The following FGF13 variants were observed in gnomAD, a reference collection of about 807,000 sequenced individuals.
FGF13 encodes the protein fibroblast growth factor homologous factor 2.
FGF13 carries 2 observed loss-of-function variants against 19.5 expected under a neutral mutation model. The ratio of observed to expected loss-of-function variants is 0.10; its 90% CI spans 0.04 to 0.32. The LOEUF is 0.32. Ranked by LOEUF, FGF13 falls within the 10% of genes least tolerant of loss-of-function variation. The pLI, the probability that FGF13 is intolerant of heterozygous loss-of-function variation, is 1.00. For missense variants in FGF13, 113 were observed against 192.7 expected (o/e 0.59, Z 2.45); for synonymous variants, 72 against 76.9 (o/e 0.94, Z 0.33).
chrX:138,702,250 T>A (rs1019097104), intron 3 of FGF13, among the ~76,000 whole-genome samples: 2 of 112,075 alleles, frequency 1.8e-5, no homozygotes, highest in Non-Finnish European at 3.8e-5. Context: ...TAGTCTCTTA[T>A]AATCTGAAAC....
Position 138,627,882 on chromosome X carries a change from G to A in FGF13, c.*4968C>T, listed in dbSNP as rs1320858016. ...CAAAATGATGCCATGTATTATACTT[G>A]TCTGCATTCTTTATTACGGTAAATG... is the stretch of plus-strand genomic sequence containing the variant. On this transcript the variant is annotated 3_prime_UTR_variant, in exon 5 of 5. Transcript: ENST00000315930. 1.8e-5 allele frequency: 2 copies of A among 110,528 alleles called. No homozygotes were observed. The highest frequency in any genetic ancestry group is 6.6e-5 in the African/African-American group (2 of 30,365). The allele number at this position is 110,528 out of a possible 1,213,427, so 9.1% of individuals were successfully genotyped here.
chrX:138,989,668 C>A (rs2092007261), intron 1 of FGF13, among the ~76,000 whole-genome samples: 1 of 109,752 alleles, frequency 9.1e-6, no homozygotes, highest in South Asian at 3.9e-4. Flanking sequence ...GATAGTTGAG[C>A]CACACAATGA....
intron 1 of FGF13, among the ~76,000 whole-genome samples, chrX:138,985,868 T>G (rs1440044577): frequency 2.7e-5 from 3 of 112,218 alleles, no homozygotes; most frequent in Non-Finnish European, 3.8e-5. Flanking sequence ...GGTAATAAAA[T>G]TAAACGTGAC....
At chrX:139,028,582 C>CGTGTGTGTGTGT (rs1203709668) in intron 1 of FGF13, among the ~76,000 whole-genome samples, 12,918 of 60,597 alleles carry the variant, frequency 0.21, 1,495 homozygotes, top group Non-Finnish European at 0.3. Flanking sequence ...GGAGAGAGAG[C>CGTGTGTGTGTGT]GTGTGTGTGT....
chrX:138,828,996 T>C (rs1466544870), intron 3 of FGF13, among the ~76,000 whole-genome samples: 1 of 111,711 alleles, frequency 9.0e-6, no homozygotes, highest in Non-Finnish European at 1.9e-5. Context: ...TTAATTGCCA[T>C]TGTGATGGTA....
intron 1 of FGF13, among the ~76,000 whole-genome samples, chrX:139,007,804 A>G (rs2092109640): frequency 8.9e-6 from 1 of 112,092 alleles, no homozygotes; most frequent in South Asian, 3.7e-4. Context: ...GAATCCACAG[A>G]CCCTTTGAAG....
chrX:139,021,505 AATACAATC>A (rs1175300061), intron 1 of FGF13, among the ~76,000 whole-genome samples: 1 of 111,610 alleles, frequency 9.0e-6, no homozygotes, highest in Non-Finnish European at 1.9e-5. Context: ...TGCAAAATTT[AATACAATC>A]ATAGATTTGA....
Position 138,627,574 on chromosome X carries a change from A to C in FGF13, c.*5276T>G, listed in dbSNP as rs1602630890. On this transcript the variant is annotated 3_prime_UTR_variant, in exon 5 of 5. Transcript: ENST00000315930. ...AGACAGCAGCTCTGAGTTCTTTTGG[A>C]GGCCCATCTAGTGTGTGTGTGCCTG... is the stretch of plus-strand genomic sequence containing the variant. The C allele has an allele frequency of 1.1e-5, 1 of 94,836 alleles. No individual in the cohort carries two copies. 7.8% of individuals were successfully genotyped at this position (94,836 alleles called of 1,213,427 possible).
chrX:138,806,445 A>C (rs1036911679), intron 3 of FGF13: 1 of 112,325 alleles, frequency 8.9e-6, no homozygotes, highest in African/African-American at 3.2e-5. Context: ...CCGTCGAGGA[A>C]GTCAAAGCCA....
At chrX:138,654,484 T>C (rs1238922493) in intron 3 of FGF13, among the ~76,000 whole-genome samples, 1 of 111,875 alleles carries the variant, frequency 8.9e-6, no homozygotes, top group Non-Finnish European at 1.9e-5. Flanking sequence ...CTCATGCCAG[T>C]AATCCCAACA....
chrX:138,839,410 CAA>C (rs1569408684), intron 3 of FGF13, among the ~76,000 whole-genome samples: 1 of 111,440 alleles, frequency 9.0e-6, no homozygotes, highest in Non-Finnish European at 1.9e-5. Flanking sequence ...ACGAATCTAT[CAA>C]GATGACAGTT....
At chrX:139,204,154 C>T (rs761696037), upstream of FGF13, 7 of 1,150,432 alleles carry the variant, frequency 6.1e-6, no homozygotes, top group Non-Finnish European at 8.3e-6. Flanking sequence ...CGGAAGTCCT[C>T]GCCGAGCGGG....
chrX:138,781,293 A>G (rs1382007477), intron 3 of FGF13, among the ~76,000 whole-genome samples: 1 of 109,250 alleles, frequency 9.2e-6, no homozygotes, highest in African/African-American at 3.4e-5. Context: ...AAAAGCTAGC[A>G]GAAGGCAAGA....
At chrX:139,118,986 C>A (rs1388121803) in intron 1 of FGF13, among the ~76,000 whole-genome samples, 1 of 111,196 alleles carries the variant, frequency 9.0e-6, no homozygotes, top group Non-Finnish European at 1.9e-5. Context: ...CACAGAGACC[C>A]CATCTTTACA....
At chrX:138,824,910 A>T (rs958239155) in intron 3 of FGF13, among the ~76,000 whole-genome samples, 1 of 112,033 alleles carries the variant, frequency 8.9e-6, no homozygotes, top group Non-Finnish European at 1.9e-5. Flanking sequence ...CGTAAGAACA[A>T]TATTCATGCT....
At chrX:138,916,912 T>C (rs187981131) in intron 1 of FGF13, among the ~76,000 whole-genome samples, 69 of 111,608 alleles carry the variant, frequency 6.2e-4, no homozygotes, top group Non-Finnish European at 1.2e-3. Flanking sequence ...AATCAGATTA[T>C]CCCTAAATTA....
intron 1 of FGF13, among the ~76,000 whole-genome samples, chrX:139,170,756 C>T (rs1483052727): frequency 4.5e-5 from 5 of 111,762 alleles, no homozygotes; most frequent in African/African-American, 1.6e-4. Context: ...GTTCGTGACA[C>T]TGCCTAGCTA....
At chrX:138,803,670 G>T (rs989843137) in intron 3 of FGF13, among the ~76,000 whole-genome samples, 19 of 112,263 alleles carry the variant, frequency 1.7e-4, no homozygotes, top group African/African-American at 6.1e-4. Context: ...TTAGCTAAGA[G>T]TGTATGAAAC....
rs1298584421 is a variant in FGF13, at chrX:138,626,908, T to C, written c.*5942A>G. ...TTACATTAAGAAGAAAACTATAGTA[T>C]AGCCAGACTTGGAGAACTAATTCAT... On this transcript the variant is annotated 3_prime_UTR_variant, in exon 5 of 5. Transcript: ENST00000315930. 8.9e-6 allele frequency: 1 copy of C among 112,205 alleles called. No homozygotes were observed. Among genetic ancestry groups the C allele is most frequent in the Admixed American group, 9.5e-5 (1 of 10,530 alleles). 9.2% of individuals were successfully genotyped at this position (112,205 alleles called of 1,213,427 possible).
Sources: allele counts gnomAD v4.1 joint callset (sites outside exome capture counted in the v4.1 genomes callset), GRCh38; gene constraint gnomAD v4.1.1; transcripts MANE v1.5; gene names NCBI Gene and HGNC (gene_info 2026-07-23, HGNC 2026-07-21).